Variants in DIPK1A observed in about 807,000 individuals in gnomAD.
DIPK1A encodes the protein divergent protein kinase domain 1A.
In DIPK1A, 27 loss-of-function variants were observed where a neutral mutation model predicts 40.8. The ratio of observed to expected loss-of-function variants is 0.66; its 90% confidence interval spans 0.49 to 0.91. The LOEUF (loss-of-function observed/expected upper bound fraction) is 0.91, where lower values mean the gene tolerates loss of function less well. Ranked by LOEUF, DIPK1A falls within the 40% of genes least tolerant of loss-of-function variation. DIPK1A has a pLI of 0.00. For synonymous variants in DIPK1A, 166 were observed against 171.3 expected (o/e 0.97, Z 0.24); for missense variants, 412 against 505.7 (o/e 0.81, Z 1.78).
chr1:92,943,008 G>C lies in DIPK1A; in HGVS notation c.54+18368C>G, dbSNP rs1651224552. On this transcript the variant is annotated intron_variant, in intron 1 of 4. Coordinates refer to ENST00000370310, the MANE Select transcript of DIPK1A (RefSeq NM_001006605.5). ...CTTAAATAGACACTGCAGTCATGAA[G>C]ATAAATAGGGTAGGTAAATATTAGA... Among the ~76,000 whole-genome samples the C allele has an allele frequency of 2.0e-5, 3 of 152,198 alleles. No homozygotes were observed. In the East Asian group the frequency reaches 5.8e-4, roughly 29 times the overall value.
chr1:92,923,076 T>G (rs779491081), intron 1 of DIPK1A, among the ~76,000 whole-genome samples: 3 of 152,232 alleles, frequency 2.0e-5, no homozygotes, highest in Non-Finnish European at 2.9e-5. Context: ...CCTGTAGCTT[T>G]CCATGCTTAT....
In DIPK1A at chr1:92,893,305, C is replaced by T. The variant is rs939423067; in HGVS notation, c.55-16875G>A. Reference sequence around the variant, plus strand: ...CCCATCAGACTAACAGCGGATCTCTCGGCAGAAACTCTACAAGCCAGAAGA... The same window carrying T: ...CCCATCAGACTAACAGCGGATCTCTTGGCAGAAACTCTACAAGCCAGAAGA... On this transcript the variant is annotated intron_variant, in intron 1 of 4. Coordinates refer to ENST00000370310, the MANE Select transcript of DIPK1A (RefSeq NM_001006605.5). Among the ~76,000 whole-genome samples the T allele has an allele frequency of 4.0e-5, 6 of 151,636 alleles. No homozygotes were observed. In the East Asian group the frequency reaches 5.8e-4, roughly 15 times the overall value.
chr1:92,946,628 T>C (rs1212694763), intron 1 of DIPK1A, among the ~76,000 whole-genome samples: 2 of 152,128 alleles, frequency 1.3e-5, no homozygotes, highest in South Asian at 2.1e-4. Flanking sequence ...TTAGCAAATA[T>C]TAACTAAACT....
chr1:92,931,622 C>T, intron 1 of DIPK1A: 1 of 158,040 alleles, frequency 6.3e-6, no homozygotes, highest in African/African-American at 2.4e-5. Context: ...GGCATTACTG[C>T]TGTGTTAGTA....
intron 1 of DIPK1A, among the ~76,000 whole-genome samples, chr1:92,920,263 GT>G (rs1185541175): frequency 6.6e-6 from 1 of 152,222 alleles, no homozygotes; most frequent in Admixed American, 6.5e-5. Flanking sequence ...AATGGGGGCA[GT>G]TTCCCCTATA....
chr1:92,946,199 A>G (rs1474290693), intron 1 of DIPK1A, among the ~76,000 whole-genome samples: 1 of 152,184 alleles, frequency 6.6e-6, no homozygotes, highest in Non-Finnish European at 1.5e-5. Flanking sequence ...GCTGCAGACA[A>G]TGGGTTTCAG....
intron 2 of DIPK1A, among the ~76,000 whole-genome samples, chr1:92,860,715 A>T (rs1647224531): frequency 6.6e-6 from 1 of 150,524 alleles, no homozygotes; most frequent in Non-Finnish European, 1.5e-5. Flanking sequence ...ACCCAGGAGG[A>T]GGAGGTTGTA....
chr1:92,952,755 C>T (rs1651682368), intron 1 of DIPK1A, among the ~76,000 whole-genome samples: 1 of 151,876 alleles, frequency 6.6e-6, no homozygotes, highest in South Asian at 2.1e-4. Context: ...TAAAAAAAAT[C>T]CTTTATGGCT....
rs983873105 is a variant in DIPK1A, at chr1:92,875,749, A to C, written c.189+547T>G. Among the ~76,000 whole-genome samples, 4 of 151,710 alleles carry C rather than the reference A, an allele frequency of 2.6e-5. No homozygotes were observed. The East Asian group carries it at 5.8e-4, about 22-fold the overall frequency. ...AAAAAAAGAGAGAAAGTACTGGTGGAAAAAAAGGAGTTAAATTTACTTGAA... is the reference window on the plus strand; with the variant it reads ...AAAAAAAGAGAGAAAGTACTGGTGGCAAAAAAGGAGTTAAATTTACTTGAA... On this transcript the variant is annotated intron_variant, in intron 2 of 4. Transcript: ENST00000370310.
At chr1:92,874,603 A>T (rs1648028161) in intron 2 of DIPK1A, among the ~76,000 whole-genome samples, 1 of 152,224 alleles carries the variant, frequency 6.6e-6, no homozygotes, top group Non-Finnish European at 1.5e-5. Context: ...AGAGAAATAA[A>T]CATTTCAAAT....
At chr1:92,893,856 G>A (rs903507475) in intron 1 of DIPK1A, among the ~76,000 whole-genome samples, 7 of 151,792 alleles carry the variant, frequency 4.6e-5, no homozygotes, top group African/African-American at 1.7e-4. Context: ...TGCAATCCTA[G>A]TCTCTGATAA....
chr1:92,859,112 A>G (rs1246161967), intron 2 of DIPK1A, among the ~76,000 whole-genome samples: 2 of 152,204 alleles, frequency 1.3e-5, no homozygotes, highest in Non-Finnish European at 2.9e-5. Flanking sequence ...TATGGAAACT[A>G]TACCACAAGG....
chr1:92,835,174 T>C, intron 4 of DIPK1A: 2 of 532,442 alleles, frequency 3.8e-6, no homozygotes. Flanking sequence ...GTATGTAAAC[T>C]TGAATTTGAA....
intron 1 of DIPK1A, among the ~76,000 whole-genome samples, chr1:92,948,951 A>C (rs4351651): frequency 0.35 from 52,619 of 150,572 alleles, 9,620 homozygotes; most frequent in African/African-American, 0.38. Flanking sequence ...ATTACAGATG[A>C]CCACCACCAT....
intron 1 of DIPK1A, among the ~76,000 whole-genome samples, chr1:92,934,406 A>G (rs1262607191): frequency 3.3e-5 from 5 of 152,238 alleles, no homozygotes; most frequent in Non-Finnish European, 5.9e-5. Context: ...AATATCTAGT[A>G]GAATATGCCA....
intron 1 of DIPK1A, among the ~76,000 whole-genome samples, chr1:92,896,363 T>C (rs1382719206): frequency 9.9e-5 from 15 of 152,062 alleles, no homozygotes; most frequent in African/African-American, 3.6e-4. Context: ...TATCTACAAC[T>C]ATCTGATCTT....
Position 92,842,503 on chromosome 1 carries a change from C to T in DIPK1A, c.*880G>A, listed in dbSNP as rs892189895. ...GAAAAAAACATTAGATAAATAAATA[C>T]ATTTACATGCCTCTTTAAGAAATAG... On this transcript the variant is annotated 3_prime_UTR_variant, in exon 5 of 5. Transcript: ENST00000370310. 8 of 979,596 alleles carry T rather than the reference C, an allele frequency of 8.2e-6. No individual in the cohort carries two copies. The African/African-American group carries it at 8.7e-5, about 11-fold the overall frequency. 60.7% of individuals were successfully genotyped at this position (979,596 alleles called of 1,614,324 possible).
intron 1 of DIPK1A, among the ~76,000 whole-genome samples, chr1:92,938,349 T>A (rs1651025826): frequency 6.6e-6 from 1 of 151,686 alleles, no homozygotes; most frequent in East Asian, 1.9e-4. Flanking sequence ...TCCCAGCTAG[T>A]CTGGAGGCTG....
chr1:92,859,778 A>G (rs578100484), intron 2 of DIPK1A, among the ~76,000 whole-genome samples: 99 of 152,330 alleles, frequency 6.5e-4, no homozygotes, highest in African/African-American at 2.2e-3. Flanking sequence ...ATCACAGCTC[A>G]CTGCAGCCTT....
Sources: allele counts gnomAD v4.1 joint callset (sites outside exome capture counted in the v4.1 genomes callset), GRCh38; gene constraint gnomAD v4.1.1; transcripts MANE v1.5; gene names NCBI Gene and HGNC (gene_info 2026-07-23, HGNC 2026-07-21).